The following CPSF6 variants were observed in gnomAD, a reference collection of about 807,000 sequenced individuals.
CPSF6 encodes the protein cleavage and polyadenylation specific factor 6.
Under a neutral mutation model 56.7 loss-of-function variants are expected in CPSF6, and 10 were observed. The observed-to-expected ratio is 0.18, with a 90% CI of 0.11 to 0.30. The LOEUF is 0.30. CPSF6 is among the 10% of genes least tolerant of loss of function. The pLI is 1.00. For synonymous variants in CPSF6, 248 were observed against 244.8 expected (o/e 1.01, Z -0.12); for missense variants, 419 against 722.9 (o/e 0.58, Z 4.82).
chr12:69,262,676 G>C, intron 9 of CPSF6, 114 bp downstream of exon 9: 1 of 1,193,584 alleles, frequency 8.4e-7, no homozygotes, highest in South Asian at 3.3e-5. Flanking sequence ...AACTACTTGT[G>C]AATTTAATCT....
intron 1 of CPSF6, among the ~76,000 whole-genome samples, chr12:69,248,309 A>G (rs1319938344): frequency 6.6e-6 from 1 of 152,198 alleles, no homozygotes; most frequent in African/African-American, 2.4e-5. Flanking sequence ...TGCTGTTAAT[A>G]ACCCTTCCAT....
chr12:69,259,563 T>A lies in CPSF6; in HGVS notation c.1315+20T>A. 6.3e-7 allele frequency: 1 copy of A among 1,582,374 alleles called. No homozygotes were observed. The highest frequency in any genetic ancestry group is 8.6e-7 in the Non-Finnish European group (1 of 1,165,136). ...GTGCTGGTTTGTGTATTTCTTGTAT[T>A]AATATTTCTTATTTATGTTATTAGG... On this transcript the variant is annotated intron_variant, in intron 7 of 9. Transcript: ENST00000435070.
Position 69,269,615 on chromosome 12 carries a change from T to C in CPSF6, c.*107T>C, listed in dbSNP as rs1873151382. 5 of 405,584 alleles carry C rather than the reference T, an allele frequency of 1.2e-5. No individual in the cohort carries two copies. Among genetic ancestry groups the C allele is most frequent in the Non-Finnish European group, 2.5e-5 (5 of 203,638 alleles). The allele number at this position is 405,584 out of a possible 1,614,324, so 25.1% of individuals were successfully genotyped here. On this transcript the variant is annotated 3_prime_UTR_variant, in exon 10 of 10. Transcript: ENST00000435070. ...TGTGATTGAACTGAACCTGTAAGGA[T>C]TCATGGATAAAATGAACAGGAATAG...
intron 9 of CPSF6, among the ~76,000 whole-genome samples, chr12:69,263,086 TA>T (rs199575654): frequency 0.037 from 2,958 of 79,522 alleles, 46 homozygotes; most frequent in South Asian, 0.071. Context: ...AATTTTCCTT[TA>T]AAAAAAAAAT....
At chr12:69,254,174 CAG>C (rs2120528298) in intron 3 of CPSF6, among the ~76,000 whole-genome samples, 1 of 116,826 alleles carries the variant, frequency 8.6e-6, no homozygotes, top group African/African-American at 2.7e-5. Context: ...CTCCACATAA[CAG>C]AAGTTCTAAA....
intron 1 of CPSF6, among the ~76,000 whole-genome samples, chr12:69,249,300 A>T (rs937261495): frequency 7.2e-5 from 11 of 151,894 alleles, no homozygotes; most frequent in African/African-American, 2.7e-4. Context: ...AATTAAAATT[A>T]AAAAAATACA....
intron 9 of CPSF6, among the ~76,000 whole-genome samples, chr12:69,267,362 A>G (rs1010638691): frequency 1.3e-5 from 2 of 151,990 alleles, no homozygotes; most frequent in Admixed American, 6.6e-5. Context: ...CTTAGTGCTC[A>G]CTTTAGTTTA....
chr12:69,239,728 C>A, intron 1 of CPSF6, 22 bp downstream of exon 1: 6 of 1,564,774 alleles, frequency 3.8e-6, no homozygotes, highest in Admixed American at 1.8e-5. Flanking sequence ...CCCAGGTCCC[C>A]GCCGCCGACG....
chr12:69,243,605 A>G (rs1369566791), intron 1 of CPSF6, among the ~76,000 whole-genome samples: 2 of 152,184 alleles, frequency 1.3e-5, no homozygotes, highest in Non-Finnish European at 2.9e-5. Flanking sequence ...TCTAAACAGA[A>G]AAGGTAAGTG....
intron 9 of CPSF6, among the ~76,000 whole-genome samples, chr12:69,266,614 A>G (rs1478083052): frequency 1.3e-5 from 2 of 152,200 alleles, no homozygotes; most frequent in African/African-American, 4.8e-5. Flanking sequence ...CGTTGTTTAA[A>G]GAAACCTAAT....
In CPSF6 at chr12:69,272,738, G is replaced by A. The variant is rs1033690200; in HGVS notation, c.*3230G>A. The A allele has an allele frequency of 8.5e-5, 13 of 152,402 alleles. No individual in the cohort carries two copies. Among genetic ancestry groups the A allele is most frequent in the African/African-American group, 3.1e-4 (13 of 41,390 alleles). 9.4% of individuals were successfully genotyped at this position (152,402 alleles called of 1,614,324 possible). On this transcript the variant is annotated 3_prime_UTR_variant, in exon 10 of 10. Transcript: ENST00000435070. ...TCATTAAGTTCATTTGCATCCCGTAGCCCTCTGTAAATGTTTCCCCTAGTT... is the reference window on the plus strand; with the variant it reads ...TCATTAAGTTCATTTGCATCCCGTAACCCTCTGTAAATGTTTCCCCTAGTT...
intron 1 of CPSF6, 152 bp downstream of exon 1, chr12:69,239,858 C>T (rs990768183): frequency 6.0e-5 from 38 of 630,982 alleles, no homozygotes; most frequent in African/African-American, 7.9e-5. Context: ...GCGTGGCGCC[C>T]CCCCGCCCCT....
chr12:69,261,829 T>TG (rs1020833818), intron 8 of CPSF6, among the ~76,000 whole-genome samples: 2 of 152,234 alleles, frequency 1.3e-5, no homozygotes, highest in African/African-American at 4.8e-5. Context: ...TATCTATTCT[T>TG]GCTACTGGTC....
chr12:69,258,795 T>C lies in CPSF6; in HGVS notation c.900T>C (p.Val300=). 6.2e-7 allele frequency: 1 copy of C among 1,613,794 alleles called. No homozygotes were observed. The highest frequency in any genetic ancestry group is 8.5e-7 in the Non-Finnish European group (1 of 1,179,902). The stretch of plus-strand genomic sequence containing the variant: ...TTCCTCCTGGCCCTCCACCTCCAGT[T>C]CCAGGCTACGGCCCCCCTCCTGGCC... ...GPLPPGPPPP[V]PGYGPPPGPP... The change falls in exon 6 of 10, where the codon GTT becomes GTC. Residue 300 remains valine, a synonymous_variant. Coordinates refer to ENST00000435070, the MANE Select transcript of CPSF6 (RefSeq NM_007007.3). This position sits in a 1 kb window ranked among gnomAD's most constrained non-coding sequence, Gnocchi z 4.2.
rs1213572762 is a variant in CPSF6, at chr12:69,272,876, G to GTGTA, written c.*3371_*3372insATGT. 4 of 186,342 alleles carry GTGTA rather than the reference G, an allele frequency of 2.1e-5. No homozygotes were observed. The East Asian group carries it at 5.6e-4, about 26-fold the overall frequency. The allele number at this position is 186,342 out of a possible 1,614,324, so 11.5% of individuals were successfully genotyped here. On this transcript the variant is annotated 3_prime_UTR_variant, in exon 10 of 10. Coordinates refer to ENST00000435070, the MANE Select transcript of CPSF6 (RefSeq NM_007007.3). The stretch of plus-strand genomic sequence containing the variant: ...CTATTTTTCTGTTCTTACAGTGTGT[G>GTGTA]TGTGTGTGTGTGTGTGTGTGTATGC...
rs1872589797 is a variant in CPSF6 at position 69,258,202 on chromosome 12, T to C, written c.694+297T>C. 3.1e-6 allele frequency: 3 copies of C among 955,840 alleles called. No individual in the cohort carries two copies. Among genetic ancestry groups the C allele is most frequent in the Non-Finnish European group, 4.7e-6 (3 of 639,642 alleles). 59.2% of individuals were successfully genotyped at this position (955,840 alleles called of 1,614,324 possible). On this transcript the variant is annotated intron_variant, in intron 5 of 9. Transcript: ENST00000435070. This position sits in a 1 kb window ranked among gnomAD's most constrained non-coding sequence, Gnocchi z 4.2. ...ATATATAGAATATTTACATCCGTCTTACTTTCTTACCTCTTAAAAAAATCC... is the reference window on the plus strand; with the variant it reads ...ATATATAGAATATTTACATCCGTCTCACTTTCTTACCTCTTAAAAAAATCC...
intron 1 of CPSF6, among the ~76,000 whole-genome samples, chr12:69,240,246 C>T (rs1056229771): frequency 1.5e-4 from 23 of 152,202 alleles, no homozygotes; most frequent in African/African-American, 4.8e-4. Flanking sequence ...GCGTTCACGG[C>T]CCTTTGTATC....
chr12:69,272,869 A>T lies in CPSF6; in HGVS notation c.*3361A>T, dbSNP rs903981822. 9 of 154,230 alleles carry T rather than the reference A, an allele frequency of 5.8e-5. No individual in the cohort carries two copies. Among genetic ancestry groups the T allele is most frequent in the East Asian group, 5.6e-4 (3 of 5,316 alleles). The allele number at this position is 154,230 out of a possible 1,614,324, so 9.6% of individuals were successfully genotyped here. A position where few individuals can be genotyped will look rare whatever the true frequency, so the allele number is the denominator to read the frequency against. ...AAGCATTCTATTTTTCTGTTCTTAC[A>T]GTGTGTGTGTGTGTGTGTGTGTGTG... On this transcript the variant is annotated 3_prime_UTR_variant, in exon 10 of 10. Transcript: ENST00000435070.
At chr12:69,243,676 C>G (rs191791017) in intron 1 of CPSF6, among the ~76,000 whole-genome samples, 3 of 152,156 alleles carry the variant, frequency 2.0e-5, no homozygotes, top group Non-Finnish European at 4.4e-5. Flanking sequence ...TGAAAGGAAC[C>G]TGCATGATTG....
Sources: allele counts gnomAD v4.1 joint callset (sites outside exome capture counted in the v4.1 genomes callset), GRCh38; gene constraint gnomAD v4.1.1; non-coding constraint Gnocchi (gnomAD v3.1); transcripts MANE v1.5; gene names NCBI Gene and HGNC (gene_info 2026-07-23, HGNC 2026-07-21).